The following MACROD2 variants were observed in gnomAD, a reference collection of about 807,000 sequenced individuals.
MACROD2 encodes the protein ADP-ribose glycohydrolase MACROD2.
A neutral mutation model predicts 70.4 loss-of-function variants in MACROD2; 36 were observed. The observed-to-expected ratio is 0.51, with a 90% CI of 0.39 to 0.68. The LOEUF is 0.68. MACROD2 is among the 30% of genes least tolerant of loss of function. The pLI, the probability that MACROD2 is intolerant of heterozygous loss-of-function variation, is 0.00. For synonymous variants in MACROD2, 172 were observed against 178.8 expected (o/e 0.96, Z 0.30); for missense variants, 496 against 538.4 (o/e 0.92, Z 0.78).
chr20:14,866,311 A>G (rs2073427181), intron 5 of MACROD2, among the ~76,000 whole-genome samples: 1 of 152,244 alleles, frequency 6.6e-6, no homozygotes, highest in African/African-American at 2.4e-5. Flanking sequence ...TGTTGACACT[A>G]AAGATTAATG....
intron 8 of MACROD2, among the ~76,000 whole-genome samples, chr20:15,654,124 G>A (rs16996280): frequency 0.024 from 3,652 of 152,206 alleles, 179 homozygotes; most frequent in East Asian, 0.2. Context: ...TTATGTGACC[G>A]GTTGTAAAGG....
At chr20:14,466,792 A>G (rs1343577739) in intron 3 of MACROD2, among the ~76,000 whole-genome samples, 2 of 152,046 alleles carry the variant, frequency 1.3e-5, no homozygotes, top group African/African-American at 4.8e-5. Context: ...AGTTTTCTGG[A>G]GGTCCACTCC....
intron 8 of MACROD2, among the ~76,000 whole-genome samples, chr20:15,776,653 G>A (rs1191391405): frequency 6.6e-6 from 1 of 152,118 alleles, no homozygotes; most frequent in East Asian, 1.9e-4. Flanking sequence ...CTGCAAGAGT[G>A]GTCTCTTTGT....
chr20:15,799,637 A>G (rs2063706147), intron 8 of MACROD2, among the ~76,000 whole-genome samples: 1 of 152,224 alleles, frequency 6.6e-6, no homozygotes, highest in Non-Finnish European at 1.5e-5. Flanking sequence ...TATTTTTATG[A>G]CAGAACAGTA....
At chr20:14,021,575 T>A (rs1484729627) in intron 2 of MACROD2, among the ~76,000 whole-genome samples, 2 of 152,196 alleles carry the variant, frequency 1.3e-5, no homozygotes, top group Admixed American at 6.5e-5. Flanking sequence ...TCAGGCAGTT[T>A]CTCTTTGTTT....
At chr20:14,796,726 CAT>C (rs985455120) in intron 5 of MACROD2, among the ~76,000 whole-genome samples, 41 of 152,152 alleles carry the variant, frequency 2.7e-4, no homozygotes, top group African/African-American at 5.3e-4. Context: ...TGCTTTACCA[CAT>C]AGAGACCTGA....
chr20:14,701,971 T>A (rs1285318486), intron 5 of MACROD2, among the ~76,000 whole-genome samples: 1 of 152,132 alleles, frequency 6.6e-6, no homozygotes, highest in African/African-American at 2.4e-5. Context: ...CTAGTAAGGG[T>A]AGAGCAAGGA....
At chr20:14,401,481 A>G (rs2083637479) in intron 3 of MACROD2, among the ~76,000 whole-genome samples, 1 of 152,200 alleles carries the variant, frequency 6.6e-6, no homozygotes, top group African/African-American at 2.4e-5. Flanking sequence ...AAATAAATAA[A>G]TAGAATCACA....
chr20:15,355,514 T>G (rs775923298), intron 6 of MACROD2, among the ~76,000 whole-genome samples: 1 of 152,182 alleles, frequency 6.6e-6, no homozygotes, highest in Non-Finnish European at 1.5e-5. Flanking sequence ...TGAACCTTAG[T>G]GTCCATAATT....
At chr20:15,739,957 G>A (rs6131692) in intron 8 of MACROD2, among the ~76,000 whole-genome samples, 35,012 of 152,064 alleles carry the variant, frequency 0.23, 4,945 homozygotes, top group East Asian at 0.62. Context: ...GAAACATTCA[G>A]TTTCTCTATT....
chr20:15,258,431 C>A (rs563046451), intron 6 of MACROD2, among the ~76,000 whole-genome samples: 65 of 152,192 alleles, frequency 4.3e-4, no homozygotes, highest in African/African-American at 1.6e-3. Context: ...TTATACCATA[C>A]TTTTACTGTA....
In MACROD2 at chr20:14,807,153, C is replaced by T. The variant is rs139087903; in HGVS notation, c.418+122194C>T. Among the ~76,000 whole-genome samples the T allele has an allele frequency of 2.1e-3, 327 of 152,280 alleles. 2 individuals are homozygous for T. The highest frequency in any genetic ancestry group is 7.3e-3 in the African/African-American group (303 of 41,576). ...CCCTGTGCCTCCCAACGGGGAGACACCTCCCAGCAGGGGTTGACAGACACC... is the reference window on the plus strand; with the variant it reads ...CCCTGTGCCTCCCAACGGGGAGACATCTCCCAGCAGGGGTTGACAGACACC... On this transcript the variant is annotated intron_variant, in intron 5 of 17. Transcript: ENST00000684519.
At chr20:14,290,305 A>G (rs933858349) in intron 3 of MACROD2, among the ~76,000 whole-genome samples, 1 of 152,216 alleles carries the variant, frequency 6.6e-6, no homozygotes, top group Non-Finnish European at 1.5e-5. Context: ...GATACATAGT[A>G]TAAAAAAGAA....
At chr20:14,575,535 C>T (rs1310063153) in intron 4 of MACROD2, among the ~76,000 whole-genome samples, 2 of 152,084 alleles carry the variant, frequency 1.3e-5, no homozygotes, top group African/African-American at 4.8e-5. Flanking sequence ...GTCCCTGGAC[C>T]ACATGTTAGA....
intron 3 of MACROD2, among the ~76,000 whole-genome samples, chr20:14,239,313 G>A (rs1335983825): frequency 2.6e-5 from 4 of 152,158 alleles, no homozygotes; most frequent in African/African-American, 9.7e-5. Flanking sequence ...GCAATTTACA[G>A]ATTCAATGCT....
At chr20:15,773,662 A>C (rs1204132280) in intron 8 of MACROD2, among the ~76,000 whole-genome samples, 1 of 152,168 alleles carries the variant, frequency 6.6e-6, no homozygotes, top group Admixed American at 6.5e-5. Flanking sequence ...CCTAAGCATT[A>C]TAAACTTCAA....
chr20:14,831,638 G>C (rs2072966837), intron 5 of MACROD2, among the ~76,000 whole-genome samples: 2 of 151,690 alleles, frequency 1.3e-5, no homozygotes, highest in Non-Finnish European at 2.9e-5. Context: ...ACAATAGCCA[G>C]GTGTGGTGGC....
chr20:14,832,711 A>G (rs1400971372), intron 5 of MACROD2, among the ~76,000 whole-genome samples: 1 of 152,148 alleles, frequency 6.6e-6, no homozygotes, highest in Non-Finnish European at 1.5e-5. Context: ...AAATGTTGAG[A>G]TGCTACTTCT....
At chr20:15,335,144 T>G (rs747278654) in intron 6 of MACROD2, among the ~76,000 whole-genome samples, 186 of 151,898 alleles carry the variant, frequency 1.2e-3, no homozygotes, top group Admixed American at 2.0e-3. Context: ...GGATGGTCCC[T>G]TCATCCAATC....
Sources: allele counts gnomAD v4.1 joint callset (sites outside exome capture counted in the v4.1 genomes callset), GRCh38; gene constraint gnomAD v4.1.1; transcripts MANE v1.5; gene names NCBI Gene and HGNC (gene_info 2026-07-23, HGNC 2026-07-21).